The following DHRS12 variants were observed in gnomAD, a reference collection of about 807,000 sequenced individuals.
DHRS12 encodes dehydrogenase/reductase SDR family member 12.
In DHRS12, 29 loss-of-function variants were observed where a neutral mutation model predicts 32.1. The observed-to-expected ratio is 0.90, with a 90% CI of 0.67 to 1.23. DHRS12 has a LOEUF of 1.23. DHRS12 is among the 50% of genes most tolerant of loss of function. The pLI is 0.00. For missense variants in DHRS12, 330 were observed against 337.2 expected (o/e 0.98, Z 0.17); for synonymous variants, 150 against 135.9 (o/e 1.10, Z -0.72).
chr13:51,772,007 A>T, intron 6 of DHRS12, 96 bp from the exon 7 acceptor site: 1 of 1,191,550 alleles, frequency 8.4e-7, no homozygotes, highest in Non-Finnish European at 1.2e-6. Context: ...CTTATCTTAC[A>T]CTGGACTCTG....
In DHRS12 at chr13:51,773,982, A is replaced by C. The variant is rs151240287; in HGVS notation, c.416T>G (p.Leu139Arg). 2.3e-5 allele frequency: 37 copies of C among 1,614,046 alleles called. No individual in the cohort carries two copies. The African/African-American group carries it at 2.9e-4, about 13-fold the overall frequency. The change falls in exon 6 of 9, where the codon CTC becomes CGC. Residue 139 changes from leucine to arginine, a missense_variant. Physicochemically the swap from Leu to Arg is moderately radical, Grantham distance 102. Coordinates refer to ENST00000444610, the MANE Select transcript of DHRS12 (RefSeq NM_001377533.1). ...ATCAAATGGTGTTCTTTCGGACTGG[A>C]GATCATTGGTGTTCAGTTTCTGAAC... is the stretch of plus-strand genomic sequence containing the variant. The part of the protein sequence containing the change: ...MLVQKLNTND[L>R]QSERTPFDGT...
chr13:51,799,477 G>T, intron 2 of DHRS12, 57 bp downstream of exon 2: 1 of 1,602,504 alleles, frequency 6.2e-7, no homozygotes, highest in Non-Finnish European at 8.5e-7. Flanking sequence ...CCTCAGTGTG[G>T]ACCGGCCGCA....
chr13:51,794,488 T>C (rs1469756115), intron 2 of DHRS12, among the ~76,000 whole-genome samples: 1 of 152,228 alleles, frequency 6.6e-6, no homozygotes, highest in South Asian at 2.1e-4. Context: ...GAAATCCACA[T>C]TGGCCTGGAA....
At chr13:51,802,240 A>C (rs779580637) in intron 1 of DHRS12, among the ~76,000 whole-genome samples, 44 of 151,018 alleles carry the variant, frequency 2.9e-4, no homozygotes, top group Non-Finnish European at 5.3e-4. Flanking sequence ...GGTCACCAGA[A>C]GGTAGGTGAT....
At chr13:51,779,127 A>C (rs1040434501) in intron 4 of DHRS12, among the ~76,000 whole-genome samples, 4 of 152,082 alleles carry the variant, frequency 2.6e-5, no homozygotes, top group African/African-American at 4.8e-5. Context: ...CCATTCTGCA[A>C]GTCATTCTTT....
chr13:51,771,423 T>C (rs1272235187), intron 7 of DHRS12: 1 of 1,614,048 alleles, frequency 6.2e-7, no homozygotes, highest in Non-Finnish European at 8.5e-7. Context: ...CATCATTATT[T>C]CCAAAAACCT....
the DHRS12 span, chr13:51,762,951 T>G: frequency 6.6e-6 from 1 of 152,220 alleles, no homozygotes; most frequent in African/African-American, 2.4e-5. Context: ...CAAAATGGTT[T>G]GAGATTAAGC....
chr13:51,784,353 A>C (rs1190981110), intron 4 of DHRS12, among the ~76,000 whole-genome samples: 1 of 152,194 alleles, frequency 6.6e-6, no homozygotes, highest in Non-Finnish European at 1.5e-5. Context: ...GAGCAGTATG[A>C]GTTAGCCAGG....
At chr13:51,773,891 G>A (rs553441651) in intron 6 of DHRS12, 39 bp downstream of exon 6, 24 of 1,570,434 alleles carry the variant, frequency 1.5e-5, no homozygotes, top group Admixed American at 1.0e-4. Context: ...CTCGCAGCCC[G>A]TGGGTAAAAT....
chr13:51,790,317 G>C (rs1309654026), intron 3 of DHRS12, among the ~76,000 whole-genome samples: 2 of 152,088 alleles, frequency 1.3e-5, no homozygotes, highest in Admixed American at 6.6e-5. Flanking sequence ...AGACAGCTTG[G>C]CCAGGCAACC....
At chr13:51,774,170 T>C in intron 5 of DHRS12, 136 bp from the exon 6 acceptor site, 1 of 668,252 alleles carries the variant, frequency 1.5e-6, no homozygotes. Context: ...CATTGTATTC[T>C]CCTACAGTAT....
intron 2 of DHRS12, chr13:51,797,903 T>C: frequency 6.5e-7 from 1 of 1,535,856 alleles, no homozygotes; most frequent in Non-Finnish European, 8.7e-7. Context: ...AGGTGAACTG[T>C]GCCACCTGGT....
At chr13:51,757,345 T>G in the DHRS12 span, among the ~76,000 whole-genome samples, 3 of 152,190 alleles carry the variant, frequency 2.0e-5, no homozygotes, top group Non-Finnish European at 4.4e-5. Flanking sequence ...GCTAAAGACA[T>G]AGACTTTAAG....
chr13:51,803,854 T>C, intron 1 of DHRS12, 200 bp downstream of exon 1: 1 of 407,678 alleles, frequency 2.5e-6, no homozygotes, highest in Non-Finnish European at 4.1e-6. Context: ...TCGCGGGCAT[T>C]GAGCGGCTGG....
rs967512488 is a variant in DHRS12 at position 51,769,141 on chromosome 13, C to T, written c.697+15G>A. ...GCCCTGTGTCAGCTGCCTTCACAGCCAGGGAGGAAGTCACCTTGAAAGAAG... is the reference window on the plus strand; with the variant it reads ...GCCCTGTGTCAGCTGCCTTCACAGCTAGGGAGGAAGTCACCTTGAAAGAAG... On this transcript the variant is annotated intron_variant, in intron 8 of 8. Transcript: ENST00000444610. The T allele has an allele frequency of 2.6e-6, 4 of 1,548,778 alleles. No individual in the cohort carries two copies. The highest frequency in any genetic ancestry group is 1.4e-5 in the African/African-American group (1 of 72,990).
chr13:51,799,419 G>A (rs1232575524), intron 2 of DHRS12, 115 bp downstream of exon 2: 5 of 1,473,012 alleles, frequency 3.4e-6, no homozygotes, highest in African/African-American at 1.4e-5. Flanking sequence ...CAGAACCATG[G>A]GATCGCCGTC....
chr13:51,771,798 A>G (rs766103756), intron 7 of DHRS12, 23 bp downstream of exon 7: 2 of 1,612,986 alleles, frequency 1.2e-6, no homozygotes, highest in Admixed American at 3.3e-5. Context: ...TAAGTGGCTC[A>G]GCAATTAAAG....
At chr13:51,797,561 G>A (rs1205543604) in intron 2 of DHRS12, among the ~76,000 whole-genome samples, 1 of 152,236 alleles carries the variant, frequency 6.6e-6, no homozygotes, top group Non-Finnish European at 1.5e-5. Context: ...ACTGTCCAGT[G>A]TAATGGGCCT....
intron 5 of DHRS12, chr13:51,776,474 C>T (rs991954164): frequency 2.2e-4 from 34 of 154,510 alleles, no homozygotes; most frequent in Non-Finnish European, 3.7e-4. Flanking sequence ...CTCCAGGACA[C>T]GCTTCTCATC....
Sources: gnomAD v4.1 joint callset for allele counts (sites outside exome capture counted in the v4.1 genomes callset) on GRCh38, gnomAD v4.1.1 for gene constraint, MANE v1.5 for transcripts, NCBI Gene and HGNC (gene_info 2026-07-23, HGNC 2026-07-21) for gene names.